The following TBC1D10A variants were observed in gnomAD, a reference collection of about 807,000 sequenced individuals.
TBC1D10A encodes EBP50-PDX interactor of 64 kDa.
Under a neutral mutation model 52.9 loss-of-function variants are expected in TBC1D10A, and 24 were observed. The ratio of observed to expected loss-of-function variants is 0.45; its 90% CI spans 0.33 to 0.64. The LOEUF (loss-of-function observed/expected upper bound fraction) is 0.64, where lower values mean the gene tolerates loss of function less well. Ranked by LOEUF, TBC1D10A falls within the 30% of genes least tolerant of loss-of-function variation. The pLI is 0.02. For synonymous variants in TBC1D10A, 278 were observed against 282.9 expected (o/e 0.98, Z 0.17); for missense variants, 602 against 687.9 (o/e 0.88, Z 1.40).
At chr22:30,301,261 C>A (rs1251938292) in intron 2 of TBC1D10A, among the ~76,000 whole-genome samples, 2 of 152,182 alleles carry the variant, frequency 1.3e-5, no homozygotes, top group African/African-American at 4.8e-5. Context: ...AGAGGCATCA[C>A]TCCTGTGAAA....
rs776846063 is a variant in TBC1D10A, at chr22:30,295,063, G to A, written c.525-8C>T. On this transcript the variant is annotated splice_region_variant and splice_polypyrimidine_tract_variant and intron_variant, in intron 4 of 8. Coordinates refer to ENST00000215790, the MANE Select transcript of TBC1D10A (RefSeq NM_031937.3). ...CGGAATAGGTCCTGCTGGCTGTGGA[G>A]AGGCCGGGCAGAGCAGTGATGACCG... 3.7e-6 allele frequency: 6 copies of A among 1,613,242 alleles called. No individual in the cohort carries two copies. In the South Asian group the frequency reaches 6.6e-5, roughly 18 times the overall value.
rs1223474152 is a variant in TBC1D10A at position 30,314,832 on chromosome 22, C to CA, written c.210-10203dup. ...ACTCAAAAAAAAAAAAAAAACCCAC[C>CA]AAAAAAACACAAAAAACCCACAAAA... On this transcript the variant is annotated intron_variant, in intron 1 of 8. Coordinates refer to ENST00000215790, the MANE Select transcript of TBC1D10A (RefSeq NM_031937.3). Among the ~76,000 whole-genome samples, 336 of 150,420 alleles carry CA rather than the reference C, an allele frequency of 2.2e-3. 2 individuals are homozygous for CA. The highest frequency in any genetic ancestry group is 7.7e-3 in the African/African-American group (316 of 40,924).
In TBC1D10A at chr22:30,295,757, A is replaced by AAACAT; in HGVS notation, c.499_503dup (p.Phe168LeufsTer18). 1 of 1,614,034 alleles carries AAACAT rather than the reference A, an allele frequency of 6.2e-7. No individual in the cohort carries two copies. The highest frequency in any genetic ancestry group is 8.5e-7 in the Non-Finnish European group (1 of 1,180,014). On this transcript the variant is annotated frameshift_variant, in exon 4 of 9. Coordinates refer to ENST00000215790, the MANE Select transcript of TBC1D10A (RefSeq NM_031937.3). LOFTEE classifies it high-confidence loss of function. ...CTCACCCGTGGCCCCCCCGGGACACAAACATCTCATGGAATGGGAACTGCC... is the reference window on the plus strand; with the variant it reads ...CTCACCCGTGGCCCCCCCGGGACACAAACATAACATCTCATGGAATGGGAACTGCC...
At chr22:30,326,524 G>T (rs1930777940) in intron 1 of TBC1D10A, 149 bp downstream of exon 1, 5 of 747,126 alleles carry the variant, frequency 6.7e-6, no homozygotes, top group African/African-American at 1.9e-5. Context: ...GGAAGGCAGG[G>T]GTGGTGGGGG....
intron 1 of TBC1D10A, among the ~76,000 whole-genome samples, chr22:30,321,801 G>A (rs534872803): frequency 1.3e-5 from 2 of 152,206 alleles, no homozygotes; most frequent in South Asian, 2.1e-4. Flanking sequence ...CACCTCCCTC[G>A]GGCCAGGAGA....
intron 4 of TBC1D10A, among the ~76,000 whole-genome samples, chr22:30,295,324 T>G (rs1930054049): frequency 6.6e-6 from 1 of 152,114 alleles, no homozygotes; most frequent in South Asian, 2.1e-4. Flanking sequence ...GGGCGGGATG[T>G]AAAGCTATGT....
At chr22:30,315,466 T>C (rs984957960) in intron 1 of TBC1D10A, among the ~76,000 whole-genome samples, 4 of 152,174 alleles carry the variant, frequency 2.6e-5, no homozygotes, top group African/African-American at 9.7e-5. Flanking sequence ...TTTCGCTATG[T>C]TGCCCAGGCT....
rs536246153 is a variant in TBC1D10A, at chr22:30,292,793, C to T, written c.1109G>A (p.Arg370Gln). ...CTCACCCCGGGTCTCCTGCCAGCGC[C>T]GCAGCTGAATGAGGTGTTCGCGCTC... ...QIEREHLIQL[R>Q]RWQETRGELQ... The change falls in exon 9 of 9, where the codon CGG (arginine) becomes CAG (glutamine). Residue 370 changes from arginine (R) to glutamine (Q), a missense_variant. This residue lies in a region of TBC1D10A where 265 missense variants were observed against 275.1 expected (regional missense o/e 0.96). Transcript: ENST00000215790. The T allele has an allele frequency of 5.6e-6, 9 of 1,612,158 alleles. No individual in the cohort carries two copies. The highest frequency in any genetic ancestry group is 1.7e-5 in the Admixed American group (1 of 59,996).
At chr22:30,309,239 C>A (rs1040949748) in intron 1 of TBC1D10A, among the ~76,000 whole-genome samples, 5 of 146,472 alleles carry the variant, frequency 3.4e-5, no homozygotes, top group Non-Finnish European at 7.7e-5. Flanking sequence ...GGGTAATCTG[C>A]CATTTTTTTT....
intron 1 of TBC1D10A, among the ~76,000 whole-genome samples, chr22:30,319,371 G>C (rs1202608087): frequency 6.6e-6 from 1 of 152,222 alleles, no homozygotes; most frequent in Non-Finnish European, 1.5e-5. Context: ...ATCTTGTTCA[G>C]TTCTATATCT....
chr22:30,294,915 C>A (rs77539689), intron 5 of TBC1D10A, 26 bp downstream of exon 5: 140,448 of 1,614,000 alleles, frequency 0.087, 6,583 homozygotes, highest in African/African-American at 0.11. Flanking sequence ...CACCCACCCC[C>A]CTGCCTGCCC....
intron 7 of TBC1D10A, 45 bp downstream of exon 7, chr22:30,293,876 G>T (rs1239441911): frequency 6.2e-7 from 1 of 1,603,246 alleles, no homozygotes; most frequent in Non-Finnish European, 8.5e-7. Context: ...GCCCCACTGT[G>T]GGCTGCTGGG....
chr22:30,296,899 A>C (rs1930092189), intron 3 of TBC1D10A: 1 of 152,266 alleles, frequency 6.6e-6, no homozygotes, highest in Non-Finnish European at 1.5e-5. Context: ...AATGTGCTGA[A>C]AGGTGTGGCC....
chr22:30,322,228 ACCTCGG>A lies in TBC1D10A; in HGVS notation c.209+4439_209+4444del, dbSNP rs1330955457. 4.6e-5 allele frequency among the ~76,000 whole-genome samples: 7 copies of A among 151,816 alleles called. No individual in the cohort carries two copies. The East Asian group carries it at 1.4e-3, about 30-fold the overall frequency. On this transcript the variant is annotated intron_variant, in intron 1 of 8. Transcript: ENST00000215790. The stretch of plus-strand genomic sequence containing the variant: ...ACTCCTGACCTCAAATGATCTGCCC[ACCTCGG>A]CCTCCTAAAGTGCTGGGATTACGGC...
chr22:30,318,398 T>G (rs1930581553), intron 1 of TBC1D10A, among the ~76,000 whole-genome samples: 2 of 152,118 alleles, frequency 1.3e-5, no homozygotes, highest in African/African-American at 4.8e-5. Context: ...TCAACACCGC[T>G]TATCCTATTC....
At chr22:30,317,849 G>A (rs1340762871) in intron 1 of TBC1D10A, among the ~76,000 whole-genome samples, 1 of 152,164 alleles carries the variant, frequency 6.6e-6, no homozygotes, top group Non-Finnish European at 1.5e-5. Flanking sequence ...TTCCCTGTGA[G>A]GGCAAGATCA....
chr22:30,299,190 G>C (rs1930148320), intron 3 of TBC1D10A: 1 of 432,788 alleles, frequency 2.3e-6, no homozygotes, highest in Non-Finnish European at 4.2e-6. Flanking sequence ...GCTGGAATAG[G>C]GGGTACCAAA....
At chr22:30,320,452 G>T (rs1930629883) in intron 1 of TBC1D10A, among the ~76,000 whole-genome samples, 1 of 152,152 alleles carries the variant, frequency 6.6e-6, no homozygotes, top group African/African-American at 2.4e-5. Context: ...CACCCTGCCT[G>T]CTGCCACCTT....
At chr22:30,298,774 A>C (rs1464326345) in intron 3 of TBC1D10A, 2 of 152,534 alleles carry the variant, frequency 1.3e-5, no homozygotes, top group Non-Finnish European at 2.9e-5. Flanking sequence ...TACTCTGGCC[A>C]GCCATGGGGC....
Sources: gnomAD v4.1 joint callset for allele counts (sites outside exome capture counted in the v4.1 genomes callset) on GRCh38, gnomAD v4.1.1 for gene constraint, gnomAD v4.1.1 regional missense constraint, MANE v1.5 for transcripts, NCBI Gene and HGNC (gene_info 2026-07-23, HGNC 2026-07-21) for gene names.